PSMA6: variants seen among roughly 807,000 people sequenced by gnomAD.
PSMA6 encodes the protein proteasome subunit alpha type-6.
For synonymous variants in PSMA6, 88 were observed against 97.7 expected, an observed-to-expected ratio of 0.90 and a Z score of 0.59; for missense variants, 170 against 294.8, an observed-to-expected ratio of 0.58 and a Z score of 3.10.
chr14:35,309,750 T>A (rs1407832924), intron 3 of PSMA6, among the ~76,000 whole-genome samples: 1 of 151,280 alleles, frequency 6.6e-6, no homozygotes, highest in Non-Finnish European at 1.5e-5. Context: ...GAGCTGAGAT[T>A]GTACTACTGC....
intron 1 of PSMA6, among the ~76,000 whole-genome samples, chr14:35,279,296 C>T (rs978470434): frequency 6.6e-6 from 1 of 152,148 alleles, no homozygotes. Context: ...ATCCGCCCAC[C>T]TCGACCTCCC....
chr14:35,307,914 T>G, intron 1 of PSMA6, 80 bp from the exon 2 acceptor site: 1 of 1,362,836 alleles, frequency 7.3e-7, no homozygotes, highest in Non-Finnish European at 1.0e-6. Context: ...CTCTTTCTCA[T>G]TCTTTTTAAT....
At chr14:35,311,006 A>G (rs1005575886) in intron 4 of PSMA6, 111 bp downstream of exon 4, 38 of 1,060,564 alleles carry the variant, frequency 3.6e-5, no homozygotes, top group Non-Finnish European at 4.9e-5. Flanking sequence ...GGTTTGGAAA[A>G]TACATAGAGT....
chr14:35,315,829 T>A (rs2052034838), intron 6 of PSMA6: 1 of 152,166 alleles, frequency 6.6e-6, no homozygotes, highest in Non-Finnish European at 1.5e-5. Flanking sequence ...GTATTTGTTA[T>A]TTTTTAAATT....
intron 3 of PSMA6, 47 bp downstream of exon 3, chr14:35,309,042 T>C: frequency 7.5e-7 from 1 of 1,327,340 alleles, no homozygotes; most frequent in Non-Finnish European, 1.1e-6. Context: ...ATACAAGCCT[T>C]TTGTTATTTT....
intron 1 of PSMA6, among the ~76,000 whole-genome samples, chr14:35,297,119 GTTTT>G (rs924383407): frequency 9.6e-5 from 6 of 62,656 alleles, no homozygotes; most frequent in South Asian, 7.1e-4. Flanking sequence ...TCTTAACAAA[GTTTT>G]TTTTTTTTTT....
At chr14:35,306,493 C>A (rs1319075748) in intron 1 of PSMA6, among the ~76,000 whole-genome samples, 1 of 152,040 alleles carries the variant, frequency 6.6e-6, no homozygotes, top group Admixed American at 6.6e-5. Context: ...CACCTGAGGT[C>A]AGGAGTTCAA....
chr14:35,294,642 T>C (rs1466527545), intron 1 of PSMA6, among the ~76,000 whole-genome samples: 1 of 152,202 alleles, frequency 6.6e-6, no homozygotes, highest in Non-Finnish European at 1.5e-5. Flanking sequence ...GCTTAACGTG[T>C]GCCTGCCACA....
chr14:35,291,965 C>T (rs1381966680), upstream of PSMA6, among the ~76,000 whole-genome samples: 1 of 152,098 alleles, frequency 6.6e-6, no homozygotes, highest in African/African-American at 2.4e-5. Flanking sequence ...TTAACGGCTG[C>T]AGCTGCAGCT....
intron 4 of PSMA6, among the ~76,000 whole-genome samples, chr14:35,312,334 G>C (rs149404838): frequency 6.6e-6 from 1 of 151,580 alleles, no homozygotes. Flanking sequence ...GGCGAAACCC[G>C]GTCTCTACTA....
chr14:35,296,295 T>C (rs2051585050), intron 1 of PSMA6, among the ~76,000 whole-genome samples: 1 of 151,944 alleles, frequency 6.6e-6, no homozygotes, highest in South Asian at 2.1e-4. Context: ...CCGGTATATA[T>C]AGTAAGCACT....
At chr14:35,281,739 T>A (rs2051367784) in intron 1 of PSMA6, among the ~76,000 whole-genome samples, 1 of 152,174 alleles carries the variant, frequency 6.6e-6, no homozygotes, top group Non-Finnish European at 1.5e-5. Context: ...TTCTCCCTTT[T>A]CTTCCCTAGG....
intron 6 of PSMA6, 125 bp downstream of exon 6, chr14:35,314,580 T>C: frequency 8.0e-7 from 1 of 1,250,618 alleles, no homozygotes; most frequent in Non-Finnish European, 1.0e-6. Flanking sequence ...TGTGTGTTTG[T>C]TTTTTTCCCC....
At chr14:35,287,327 G>T (rs1292727125) in intron 1 of PSMA6, among the ~76,000 whole-genome samples, 1 of 152,114 alleles carries the variant, frequency 6.6e-6, no homozygotes. Context: ...TTAACATCAG[G>T]ATACTCCTCT....
chr14:35,291,442 A>C (rs915926800), upstream of PSMA6, among the ~76,000 whole-genome samples: 1 of 152,054 alleles, frequency 6.6e-6, no homozygotes, highest in South Asian at 2.1e-4. Context: ...GGATGGTCTC[A>C]ATCTCCTGAC....
chr14:35,280,374 C>T (rs992629454), intron 1 of PSMA6, among the ~76,000 whole-genome samples: 17 of 140,536 alleles, frequency 1.2e-4, no homozygotes, highest in Admixed American at 1.4e-4. Context: ...CTCATTGTTT[C>T]TTTTTTTTTT....
At chr14:35,290,191 C>T (rs779679776), upstream of PSMA6, among the ~76,000 whole-genome samples, 55 of 152,060 alleles carry the variant, frequency 3.6e-4, no homozygotes, top group Non-Finnish European at 7.5e-4. Context: ...AGCTAGAGAC[C>T]TAAATTCAGG....
chr14:35,297,041 G>A (rs951402335), intron 1 of PSMA6, among the ~76,000 whole-genome samples: 24 of 138,650 alleles, frequency 1.7e-4, no homozygotes, highest in African/African-American at 6.2e-4. Flanking sequence ...GCACTTTATA[G>A]TGAACCACAC....
At chr14:35,307,969 TAAAA>T in intron 1 of PSMA6, 21 bp from the exon 2 acceptor site, 2 of 1,604,850 alleles carry the variant, frequency 1.2e-6, no homozygotes, top group Non-Finnish European at 1.7e-6. Context: ...TATTCCAACT[TAAAA>T]AAAACTGTTC....
Sources: allele counts gnomAD v4.1 joint callset (sites outside exome capture counted in the v4.1 genomes callset), GRCh38; gene constraint gnomAD v4.1.1; transcripts MANE v1.5; gene names NCBI Gene and HGNC (gene_info 2026-07-23, HGNC 2026-07-21).